NRG3: variants seen among roughly 807,000 people sequenced by gnomAD.
NRG3 encodes neuregulin 3.
Under a neutral mutation model 66.9 loss-of-function variants are expected in NRG3, and 31 were observed. That is an observed-to-expected ratio of 0.46 (90% CI 0.35 to 0.63). The LOEUF (loss-of-function observed/expected upper bound fraction) is 0.63. NRG3 is among the 20% of genes least tolerant of loss of function. The pLI is 0.00. For missense variants in NRG3, 910 were observed against 878.9 expected, an observed-to-expected ratio of 1.04 and a Z score of -0.45; for synonymous variants, 393 against 359.4, an observed-to-expected ratio of 1.09 and a Z score of -1.06.
chr10:81,930,175 C>T (rs1358764309), intron 1 of NRG3, among the ~76,000 whole-genome samples: 3 of 152,058 alleles, frequency 2.0e-5, no homozygotes, highest in East Asian at 1.9e-4. Context: ...AGTCACATAC[C>T]GTTTCAACTC....
intron 1 of NRG3, among the ~76,000 whole-genome samples, chr10:81,992,654 C>G (rs1238808111): frequency 6.6e-6 from 1 of 152,156 alleles, no homozygotes; most frequent in Non-Finnish European, 1.5e-5. Context: ...TAGAATGACT[C>G]TCTTTGTCCT....
chr10:82,327,580 C>CA (rs140683195), intron 1 of NRG3, among the ~76,000 whole-genome samples: 1,847 of 152,298 alleles, frequency 0.012, 34 homozygotes, highest in African/African-American at 0.04. Flanking sequence ...TAGGGACCCT[C>CA]ATATCCCCCA....
In NRG3 at chr10:81,898,612, A is replaced by T. The variant is rs145280334; in HGVS notation, c.823+22449A>T. On this transcript the variant is annotated intron_variant, in intron 1 of 8. Coordinates refer to ENST00000372141, the MANE Select transcript of NRG3 (RefSeq NM_001010848.4). ...TGGGCTGCAGTATGACTTGATGTAA[A>T]ATATTTCAGCATGCATTCTTATCTT... 2.0e-4 allele frequency among the ~76,000 whole-genome samples: 30 copies of T among 152,338 alleles called. 1 individual carries two copies. The East Asian group carries it at 5.8e-3, about 29-fold the overall frequency.
At chr10:82,550,610 C>T (rs1271035403) in intron 2 of NRG3, among the ~76,000 whole-genome samples, 1 of 152,106 alleles carries the variant, frequency 6.6e-6, no homozygotes, top group African/African-American at 2.4e-5. Flanking sequence ...TTTTTAGGAT[C>T]TTTTCTTTAA....
chr10:82,918,164 G>A (rs1347590905), intron 4 of NRG3, among the ~76,000 whole-genome samples: 1 of 151,854 alleles, frequency 6.6e-6, no homozygotes, highest in East Asian at 1.9e-4. Flanking sequence ...AAATGGCTGA[G>A]CTATTTAACT....
At chr10:82,851,461 G>T (rs2063557014) in intron 3 of NRG3, among the ~76,000 whole-genome samples, 1 of 152,062 alleles carries the variant, frequency 6.6e-6, no homozygotes, top group Non-Finnish European at 1.5e-5. Flanking sequence ...CAGACATTTT[G>T]GATTTTTTTC....
chr10:82,636,766 G>C (rs2050226157), intron 2 of NRG3, among the ~76,000 whole-genome samples: 1 of 151,888 alleles, frequency 6.6e-6, no homozygotes, highest in African/African-American at 2.4e-5. Flanking sequence ...ATACCCAGAA[G>C]AGGAATTGCT....
At chr10:82,618,777 CATA>C (rs2048836918) in intron 2 of NRG3, among the ~76,000 whole-genome samples, 1 of 151,802 alleles carries the variant, frequency 6.6e-6, no homozygotes, top group Admixed American at 6.6e-5. Context: ...ATTATGGTGT[CATA>C]ATTATATAAT....
intron 1 of NRG3, among the ~76,000 whole-genome samples, chr10:82,130,620 T>C (rs1431373098): frequency 6.6e-6 from 1 of 152,178 alleles, no homozygotes; most frequent in Admixed American, 6.5e-5. Context: ...ACCTCTATAT[T>C]GTTCTCTATA....
intron 4 of NRG3, among the ~76,000 whole-genome samples, chr10:82,919,911 TAGTG>T (rs1846257689): frequency 6.6e-6 from 1 of 151,000 alleles, no homozygotes; most frequent in Admixed American, 6.6e-5. Flanking sequence ...TGTCTTATGA[TAGTG>T]AGAATGAAAA....
At chr10:82,866,566 G>A (rs1438905879) in intron 4 of NRG3, among the ~76,000 whole-genome samples, 2 of 152,118 alleles carry the variant, frequency 1.3e-5, no homozygotes, top group African/African-American at 4.8e-5. Context: ...CTCAATTCCT[G>A]CAGGCTTGCG....
chr10:82,477,119 G>A (rs1185389398), intron 2 of NRG3, among the ~76,000 whole-genome samples: 2 of 152,172 alleles, frequency 1.3e-5, no homozygotes, highest in East Asian at 1.9e-4. Context: ...TCAAAAGAGA[G>A]GCCAAGTGTG....
chr10:82,689,600 T>C (rs2054770770), intron 2 of NRG3, among the ~76,000 whole-genome samples: 2 of 152,218 alleles, frequency 1.3e-5, no homozygotes, highest in African/African-American at 2.4e-5. Context: ...CATAACACAA[T>C]GTTTATGTTT....
chr10:82,751,090 T>A (rs2058843542), intron 3 of NRG3, among the ~76,000 whole-genome samples: 2 of 152,134 alleles, frequency 1.3e-5, no homozygotes, highest in African/African-American at 4.8e-5. Context: ...GATATGTGGA[T>A]AAATTTTTTA....
At chr10:82,001,708 A>G (rs949994127) in intron 1 of NRG3, among the ~76,000 whole-genome samples, 16 of 152,262 alleles carry the variant, frequency 1.1e-4, no homozygotes, top group Admixed American at 1.0e-3. Flanking sequence ...CTTTTTTTGT[A>G]CTGATATTTT....
At chr10:82,610,538 G>T (rs1015341868) in intron 2 of NRG3, among the ~76,000 whole-genome samples, 4 of 152,114 alleles carry the variant, frequency 2.6e-5, no homozygotes, top group African/African-American at 9.7e-5. Flanking sequence ...TGTGCTCAGT[G>T]TTCATTATTG....
intron 1 of NRG3, among the ~76,000 whole-genome samples, chr10:82,193,857 T>C (rs1453020649): frequency 1.3e-5 from 2 of 152,192 alleles, no homozygotes; most frequent in African/African-American, 4.8e-5. Flanking sequence ...ATATAAATGT[T>C]GAGGCTTAAC....
rs576709367 is a variant in NRG3, at chr10:82,958,754, T to C, written c.1158-195T>C. 2.6e-5 allele frequency among the ~76,000 whole-genome samples: 4 copies of C among 152,322 alleles called. No homozygotes were observed. In the East Asian group the frequency reaches 7.7e-4, roughly 29 times the overall value. On this transcript the variant is annotated intron_variant, in intron 5 of 8. Transcript: ENST00000372141. Reference sequence around the variant, plus strand: ...ACTGAATGTGAATTCCTAGAGAATATGGATGATATCAGGTTATCACTAAAC... The same window carrying C: ...ACTGAATGTGAATTCCTAGAGAATACGGATGATATCAGGTTATCACTAAAC...
chr10:81,901,558 A>G (rs904119357), intron 1 of NRG3, among the ~76,000 whole-genome samples: 1 of 152,126 alleles, frequency 6.6e-6, no homozygotes, highest in African/African-American at 2.4e-5. Flanking sequence ...AGTCCCTATT[A>G]CTTAGGAGGC....
Sources: allele counts gnomAD v4.1 joint callset (sites outside exome capture counted in the v4.1 genomes callset), GRCh38; gene constraint gnomAD v4.1.1; transcripts MANE v1.5; gene names NCBI Gene and HGNC (gene_info 2026-07-23, HGNC 2026-07-21).